SLIT3: variants seen among roughly 807,000 people sequenced by gnomAD.
SLIT3 encodes slit homolog 3 protein.
A neutral mutation model predicts 184.0 loss-of-function variants in SLIT3; 68 were observed. The ratio of observed to expected loss-of-function variants is 0.37; its 90% confidence interval spans 0.30 to 0.45. SLIT3 has a LOEUF of 0.45. Among genes scored for constraint, SLIT3 ranks in the 20% least tolerant of loss-of-function variants. The probability of loss-of-function intolerance (pLI) is 1.00; values close to 1 mark genes in which losing one functional copy is unlikely to be tolerated. For synonymous variants in SLIT3, 831 were observed against 828.6 expected, an observed-to-expected ratio of 1.00 and a Z score of -0.05; for missense variants, 1,707 against 2,026.0, an observed-to-expected ratio of 0.84 and a Z score of 3.02.
intron 9 of SLIT3, among the ~76,000 whole-genome samples, chr5:168,799,655 C>G (rs1756693865): frequency 1.3e-5 from 2 of 152,164 alleles, no homozygotes; most frequent in Admixed American, 1.3e-4. Flanking sequence ...TGCAAGTCAC[C>G]TGGTTAAAAG....
Position 168,762,631 on chromosome 5 carries a change from G to T in SLIT3, c.1518C>A (p.Pro506=), listed in dbSNP as rs776500729. 1.2e-6 allele frequency: 2 copies of T among 1,614,012 alleles called. No homozygotes were observed. The highest frequency in any genetic ancestry group is 1.7e-6 in the Non-Finnish European group (2 of 1,180,040). Residue 506 remains proline (P), a synonymous_variant, in exon 15 of 36, where the codon CCC becomes CCA. Coordinates refer to ENST00000519560, the MANE Select transcript of SLIT3 (RefSeq NM_003062.4). The stretch of plus-strand genomic sequence containing the variant: ...TCGTGCCCTCACAGCGACACTTCTC[G>T]GGGCACACGAGGTCCATGAAGCACT... ...SSECFMDLVC[P]EKCRCEGTIV...
At chr5:169,145,279 G>A (rs72833919) in intron 4 of SLIT3, among the ~76,000 whole-genome samples, 2,880 of 151,884 alleles carry the variant, frequency 0.019, 49 homozygotes, top group Non-Finnish European at 0.032. Context: ...CTGGACTACA[G>A]AGGAAACACA....
intron 4 of SLIT3, among the ~76,000 whole-genome samples, chr5:168,888,431 T>C (rs1453364050): frequency 6.6e-6 from 1 of 152,224 alleles, no homozygotes; most frequent in Non-Finnish European, 1.5e-5. Context: ...AAGCAGGTGA[T>C]AGGACCCAGT....
At chr5:169,072,818 T>G (rs1758602247) in intron 4 of SLIT3, among the ~76,000 whole-genome samples, 1 of 152,190 alleles carries the variant, frequency 6.6e-6, no homozygotes, top group South Asian at 2.1e-4. Context: ...GAGCTCTTCC[T>G]GCCACCTTTA....
At chr5:169,294,785 G>C (rs1052172370) in intron 1 of SLIT3, among the ~76,000 whole-genome samples, 1 of 152,164 alleles carries the variant, frequency 6.6e-6, no homozygotes, top group African/African-American at 2.4e-5. Context: ...CCTACTATAC[G>C]TCTAGGCTAG....
chr5:169,201,453 A>G (rs190552890), intron 3 of SLIT3, among the ~76,000 whole-genome samples: 41 of 152,314 alleles, frequency 2.7e-4, no homozygotes, highest in African/African-American at 9.9e-4. Context: ...AACATCTGTA[A>G]AGGGCTTTGC....
intron 23 of SLIT3, among the ~76,000 whole-genome samples, chr5:168,719,542 C>G (rs1210699804): frequency 6.6e-6 from 1 of 152,176 alleles, no homozygotes; most frequent in Non-Finnish European, 1.5e-5. Context: ...AGCACTTTCC[C>G]ACATTGCTAT....
chr5:169,014,146 T>G (rs1043900298), intron 4 of SLIT3, among the ~76,000 whole-genome samples: 2 of 142,516 alleles, frequency 1.4e-5, no homozygotes, highest in African/African-American at 5.5e-5. Context: ...GTTTTCACTC[T>G]TGATATCTCA....
At chr5:169,162,175 G>A (rs1762502040) in intron 4 of SLIT3, among the ~76,000 whole-genome samples, 1 of 152,172 alleles carries the variant, frequency 6.6e-6, no homozygotes, top group Admixed American at 6.5e-5. Context: ...TCGAATTTGG[G>A]TTGTACTTCC....
chr5:169,219,791 C>G (rs1226401526), intron 3 of SLIT3, among the ~76,000 whole-genome samples: 1 of 152,188 alleles, frequency 6.6e-6, no homozygotes, highest in African/African-American at 2.4e-5. Context: ...CAGTTTATCA[C>G]CCAAGTATAA....
rs267600543 is a variant in SLIT3, at chr5:168,772,830, G to A, written c.1410C>T (p.Leu470=). 5 of 1,614,018 alleles carry A rather than the reference G, an allele frequency of 3.1e-6. No homozygotes were observed. The highest frequency in any genetic ancestry group is 1.1e-5 in the South Asian group (1 of 91,074). ...SGARCSSPRR[L]ANKRISQIKS... Reference sequence around the variant, plus strand: ...TGATCTGGCTGATGCGCTTGTTGGCGAGTCGGCGCGGGCTGCTGCAGCGGG... The same window carrying A: ...TGATCTGGCTGATGCGCTTGTTGGCAAGTCGGCGCGGGCTGCTGCAGCGGG... Residue 470 remains leucine (L), a synonymous_variant, in exon 14 of 36, where the codon CTC becomes CTT. Transcript: ENST00000519560.
chr5:168,860,118 T>C (rs1336070224), intron 5 of SLIT3, among the ~76,000 whole-genome samples: 1 of 152,100 alleles, frequency 6.6e-6, no homozygotes, highest in African/African-American at 2.4e-5. Flanking sequence ...AGTTGTAAAA[T>C]GCCACCGTTG....
intron 29 of SLIT3, among the ~76,000 whole-genome samples, chr5:168,690,586 T>A (rs574928983): frequency 6.6e-6 from 1 of 152,286 alleles, no homozygotes. Context: ...CCTCACAGTA[T>A]CCCATACTTC....
intron 4 of SLIT3, among the ~76,000 whole-genome samples, chr5:168,951,440 G>A (rs1443543485): frequency 6.6e-6 from 1 of 152,092 alleles, no homozygotes; most frequent in Non-Finnish European, 1.5e-5. Flanking sequence ...GGGGGAGGTG[G>A]GTTCAGGCTA....
intron 28 of SLIT3, among the ~76,000 whole-genome samples, chr5:168,695,262 C>T (rs1762021396): frequency 6.6e-6 from 1 of 152,158 alleles, no homozygotes; most frequent in African/African-American, 2.4e-5. Context: ...TTTCTCCTTG[C>T]CTTAGGCTGG....
intron 27 of SLIT3, 97 bp from the exon 28 acceptor site, chr5:168,696,528 T>G (rs1167554415): frequency 7.0e-7 from 1 of 1,428,732 alleles, no homozygotes; most frequent in Non-Finnish European, 9.7e-7. Context: ...GAAATACAAT[T>G]AGTTTTTCCT....
intron 4 of SLIT3, among the ~76,000 whole-genome samples, chr5:169,160,867 T>A (rs1156733749): frequency 1.3e-5 from 2 of 152,196 alleles, no homozygotes; most frequent in Non-Finnish European, 1.5e-5. Flanking sequence ...AGGTCAGCAT[T>A]TCCCTTTTAG....
chr5:168,932,794 C>T (rs1392576932), intron 4 of SLIT3, among the ~76,000 whole-genome samples: 1 of 152,258 alleles, frequency 6.6e-6, no homozygotes, highest in African/African-American at 2.4e-5. Context: ...CTAAACCACA[C>T]TGTGCATGTA....
chr5:168,798,273 G>C (rs1756646478), intron 9 of SLIT3, among the ~76,000 whole-genome samples: 1 of 141,178 alleles, frequency 7.1e-6, no homozygotes, highest in South Asian at 2.4e-4. Context: ...ACCCAGGCTA[G>C]AGTGCAGTGG....
Sources: allele counts gnomAD v4.1 joint callset (sites outside exome capture counted in the v4.1 genomes callset), GRCh38; gene constraint gnomAD v4.1.1; transcripts MANE v1.5; gene names NCBI Gene and HGNC (gene_info 2026-07-23, HGNC 2026-07-21).